Variants in CIITA observed in about 807,000 individuals in gnomAD.
The protein encoded by CIITA is MHC class II transactivator.
In CIITA, 72 loss-of-function variants were observed where a neutral mutation model predicts 115.1. That is an observed-to-expected ratio of 0.63 (90% CI 0.52 to 0.76). The LOEUF (loss-of-function observed/expected upper bound fraction) is 0.76, where lower values mean the gene tolerates loss of function less well. Ranked by LOEUF, CIITA falls within the 30% of genes least tolerant of loss-of-function variation. CIITA has a pLI of 0.00. For missense variants in CIITA, 1,617 were observed against 1,463.8 expected, an observed-to-expected ratio of 1.10 and a Z score of -1.71; for synonymous variants, 763 against 635.6, an observed-to-expected ratio of 1.20 and a Z score of -3.02.
Position 10,933,354 on chromosome 16 carries a change from A to G in CIITA, c.*9499A>G, listed in dbSNP as rs550158278. On this transcript the variant is annotated 3_prime_UTR_variant, in exon 20 of 20. Coordinates refer to ENST00000324288, the MANE Select transcript of CIITA (RefSeq NM_000246.4). The stretch of plus-strand genomic sequence containing the variant: ...AAGATGGCCCTGGCGTTTTACGCGC[A>G]CTGGTGGGTGAGGCTCTGAAAGTGG... The G allele has an allele frequency of 3.3e-5, 5 of 152,482 alleles. No homozygotes were observed. The highest frequency in any genetic ancestry group is 4.1e-4 in the South Asian group (2 of 4,828). The allele number at this position is 152,482 out of a possible 1,614,324, so 9.4% of individuals were successfully genotyped here.
At chr16:10,880,536 C>A (rs1260528666) in intron 1 of CIITA, among the ~76,000 whole-genome samples, 2 of 152,138 alleles carry the variant, frequency 1.3e-5, no homozygotes, top group Non-Finnish European at 2.9e-5. Flanking sequence ...GGATTTGAAC[C>A]CTGGTCTACT....
At position 10,907,486 on chromosome 16, in the gene CIITA, G is replaced by C; in HGVS notation, c.1994G>C (p.Trp665Ser). The C allele has an allele frequency of 6.2e-7, 1 of 1,613,796 alleles. No homozygotes were observed. The highest frequency in any genetic ancestry group is 8.5e-7 in the Non-Finnish European group (1 of 1,179,962). ...CTGGCAGAGCTGGCCAAGCTGGCCT[G>C]GGAGCTGGGCCGCAGACATCAAAGT... ...GALAELAKLA[W>S]ELGRRHQSTL... is the part of the protein sequence containing the mutation. The change falls in exon 11 of 20, where the codon TGG (tryptophan) becomes TCG (serine). Residue 665 changes from tryptophan (W) to serine (S), a missense_variant. By Grantham distance (177) the Trp-to-Ser change is radical (BLOSUM62 -3). Transcript: ENST00000324288. This position sits in a 1 kb window ranked among gnomAD's most constrained non-coding sequence, Gnocchi z 5.0.
At chr16:10,866,558 A>C in intron 1 of CIITA, 1 of 544,776 alleles carries the variant, frequency 1.8e-6, no homozygotes, top group Non-Finnish European at 3.6e-6. Flanking sequence ...GGCCCCGGCC[A>C]CAGTGACCAT....
In CIITA at chr16:10,934,188, G is replaced by A. The variant is rs2040922299; in HGVS notation, c.*10333G>A. 1 of 152,202 alleles carries A rather than the reference G, an allele frequency of 6.6e-6. No individual in the cohort carries two copies. The highest frequency in any genetic ancestry group is 1.5e-5 in the Non-Finnish European group (1 of 68,038). The allele number at this position is 152,202 out of a possible 1,614,324, so 9.4% of individuals were successfully genotyped here. On this transcript the variant is annotated 3_prime_UTR_variant, in exon 20 of 20. Transcript: ENST00000324288. This position sits in a 1 kb window ranked among gnomAD's most constrained non-coding sequence, Gnocchi z 4.2. ...TCTGGAAGGGCAGCACTTGCCCAGT[G>A]CCTCCCTCCAGGTCCTGCCACATCC... is the stretch of plus-strand genomic sequence containing the variant.
At chr16:10,885,283 C>T (rs2036828355) in intron 1 of CIITA, among the ~76,000 whole-genome samples, 1 of 152,186 alleles carries the variant, frequency 6.6e-6, no homozygotes, top group Admixed American at 6.5e-5. Context: ...GCAATATCTC[C>T]AGACCTCTCC....
At chr16:10,909,408 T>C (rs567108415) in intron 12 of CIITA, among the ~76,000 whole-genome samples, 21 of 152,366 alleles carry the variant, frequency 1.4e-4, no homozygotes, top group Admixed American at 7.2e-4. Flanking sequence ...CCTGCCATCA[T>C]GTGCCCAAGT....
At chr16:10,885,096 G>T (rs1306403483) in intron 1 of CIITA, among the ~76,000 whole-genome samples, 1 of 152,030 alleles carries the variant, frequency 6.6e-6, no homozygotes, top group Non-Finnish European at 1.5e-5. Flanking sequence ...TAACAATTGT[G>T]TGTACTCTAT....
rs957845350 is a variant in CIITA, at chr16:10,895,290, C to A, written c.61C>A (p.Gln21Lys). ...SYLSEPQGSS[Q>K]CATMELGPLE... ...ATTGTCTTCCCTCCCAGGCAGCTCA[C>A]AGTGTGCCACCATGGAGTTGGGGCC... is the stretch of plus-strand genomic sequence containing the variant. Residue 21 changes from glutamine to lysine, a missense_variant, in exon 2 of 20, where the codon CAG becomes AAG. Physicochemically the swap from Gln to Lys is moderately conservative, Grantham distance 53. Transcript: ENST00000324288. 1 of 1,613,994 alleles carries A rather than the reference C, an allele frequency of 6.2e-7. No homozygotes were observed. Among genetic ancestry groups the A allele is most frequent in the Non-Finnish European group, 8.5e-7 (1 of 1,180,026 alleles).
intron 1 of CIITA, among the ~76,000 whole-genome samples, chr16:10,869,265 C>G (rs996468367): frequency 4.6e-5 from 7 of 152,354 alleles, no homozygotes; most frequent in African/African-American, 1.4e-4. Flanking sequence ...CTCCTGTCTG[C>G]CTTGTTCATC....
Position 10,866,414 on chromosome 16 carries a change from G to A in CIITA, c.-21+95G>A, listed in dbSNP as rs1157583427. The A allele has an allele frequency of 5.3e-6, 3 of 566,204 alleles. No individual in the cohort carries two copies. The African/African-American group carries it at 5.6e-5, about 10-fold the overall frequency. The allele number at this position is 566,204 out of a possible 1,614,324, so 35.1% of individuals were successfully genotyped here. On this transcript the variant is annotated intron_variant, in intron 1 of 5. Coordinates refer to the CIITA transcript ENST00000636238. ...GACCTCCTCTCCAGGGAATACCACT[G>A]CACTCTGCTCCATGAGCCTGATAGT...
intron 2 of CIITA, 119 bp downstream of exon 2, chr16:10,895,547 C>T (rs1318365956): frequency 1.2e-5 from 19 of 1,557,188 alleles, no homozygotes; most frequent in African/African-American, 2.7e-5. Context: ...ACAGCTCCCA[C>T]GTCTGTGGGA....
intron 13 of CIITA, among the ~76,000 whole-genome samples, chr16:10,912,314 A>G (rs2039637795): frequency 6.6e-6 from 1 of 152,074 alleles, no homozygotes; most frequent in Non-Finnish European, 1.5e-5. Flanking sequence ...GGCTTTAACC[A>G]TGTTGGCCAG....
At position 10,918,484 on chromosome 16, in the gene CIITA, C is replaced by T; in HGVS notation, c.3107C>T (p.Ala1036Val). 1 of 1,614,186 alleles carries T rather than the reference C, an allele frequency of 6.2e-7. No homozygotes were observed. Among genetic ancestry groups the T allele is most frequent in the Non-Finnish European group, 8.5e-7 (1 of 1,180,030 alleles). The part of the protein sequence containing the change: ...NITDLGAYKL[A>V]EALPSLAASL... ...ACTGACCTGGGTGCCTACAAACTCG[C>T]CGAGGCCCTGCCTTCGCTCGCTGCA... The change falls in exon 16 of 20, where the codon GCC becomes GTC. Residue 1036 changes from alanine (A) to valine (V), a missense_variant. Transcript: ENST00000324288.
At chr16:10,892,122 G>A (rs541882613) in intron 1 of CIITA, among the ~76,000 whole-genome samples, 4 of 151,946 alleles carry the variant, frequency 2.6e-5, no homozygotes, top group South Asian at 4.2e-4. Context: ...TCGGGAGTTC[G>A]AAACCAGCCT....
At position 10,877,236 on chromosome 16, in the gene CIITA, G is replaced by A; in HGVS notation, c.-95G>A. The stretch of plus-strand genomic sequence containing the variant: ...GCTAGTGATGAGGCTGTGTGCTTCT[G>A]AGCTGGGCATCCGAAGGCATCCTTG... On this transcript the variant is annotated 5_prime_UTR_variant, in exon 1 of 20. Coordinates refer to ENST00000324288, the MANE Select transcript of CIITA (RefSeq NM_000246.4). The A allele has an allele frequency of 9.1e-7, 1 of 1,097,652 alleles. No individual in the cohort carries two copies. Among genetic ancestry groups the A allele is most frequent in the Non-Finnish European group, 1.4e-6 (1 of 731,232 alleles). The allele number at this position is 1,097,652 out of a possible 1,614,324, so 68.0% of individuals were successfully genotyped here. A position where few individuals can be genotyped will look rare whatever the true frequency, so the allele number is the denominator to read the frequency against.
chr16:10,897,746 G>T (rs1326776649), intron 3 of CIITA, among the ~76,000 whole-genome samples: 1 of 152,184 alleles, frequency 6.6e-6, no homozygotes, highest in Non-Finnish European at 1.5e-5. Context: ...TTTGCACAGA[G>T]TAAGCATTCA....
intron 1 of CIITA, among the ~76,000 whole-genome samples, chr16:10,886,653 G>A (rs1048470779): frequency 6.6e-6 from 1 of 152,212 alleles, no homozygotes; most frequent in South Asian, 2.1e-4. Context: ...CAGTTGTACA[G>A]TATCAAGTGT....
At chr16:10,910,952 A>C (rs2039516222) in intron 13 of CIITA, among the ~76,000 whole-genome samples, 1 of 150,428 alleles carries the variant, frequency 6.6e-6, no homozygotes, top group African/African-American at 2.4e-5. Flanking sequence ...GAAAACTGAA[A>C]GTCTTGCATC....
intron 1 of CIITA, among the ~76,000 whole-genome samples, chr16:10,870,024 A>T (rs968811930): frequency 6.6e-6 from 1 of 152,028 alleles, no homozygotes; most frequent in African/African-American, 2.4e-5. Flanking sequence ...TAGATGGATG[A>T]ATGGATAGTT....
Sources: gnomAD v4.1 joint callset for allele counts (sites outside exome capture counted in the v4.1 genomes callset) on GRCh38, gnomAD v4.1.1 for gene constraint, Gnocchi (gnomAD v3.1) non-coding constraint, MANE v1.5 for transcripts, NCBI Gene and HGNC (gene_info 2026-07-23, HGNC 2026-07-21) for gene names.